The following MTUS2 variants were observed in gnomAD, a reference collection of about 807,000 sequenced individuals.
MTUS2 encodes the protein microtubule associated scaffold protein 2.
A neutral mutation model predicts 114.1 loss-of-function variants in MTUS2; 40 were observed. The ratio of observed to expected loss-of-function variants is 0.35; its 90% confidence interval spans 0.27 to 0.46. MTUS2 has a LOEUF of 0.46. Ranked by LOEUF, MTUS2 falls within the 20% of genes least tolerant of loss-of-function variation. MTUS2 has a pLI of 1.00. For missense variants in MTUS2, 1,679 were observed against 1,705.4 expected (o/e 0.98, Z 0.27); for synonymous variants, 688 against 672.0 (o/e 1.02, Z -0.37).
intron 5 of MTUS2, among the ~76,000 whole-genome samples, chr13:29,267,664 C>CT (rs1415914445): frequency 6.6e-6 from 1 of 152,176 alleles, no homozygotes; most frequent in East Asian, 1.9e-4. Flanking sequence ...CTGGGATTCT[C>CT]TATGACCATG....
chr13:29,474,586 G>GT (rs1244205928), intron 9 of MTUS2, among the ~76,000 whole-genome samples: 1 of 152,138 alleles, frequency 6.6e-6, no homozygotes. Context: ...CAATTACACT[G>GT]TTTTGCTTGT....
intron 2 of MTUS2, among the ~76,000 whole-genome samples, chr13:28,863,008 G>A (rs911422002): frequency 6.6e-6 from 1 of 152,074 alleles, no homozygotes; most frequent in African/African-American, 2.4e-5. Context: ...TTAGTCTGCT[G>A]AGGGAGATCA....
At chr13:29,040,545 C>G (rs1887302798) in intron 4 of MTUS2, among the ~76,000 whole-genome samples, 1 of 152,146 alleles carries the variant, frequency 6.6e-6, no homozygotes, top group Non-Finnish European at 1.5e-5. Flanking sequence ...ACACTGCTTT[C>G]TATAGTGATT....
At chr13:28,884,793 A>T (rs1878495904) in intron 2 of MTUS2, among the ~76,000 whole-genome samples, 1 of 152,194 alleles carries the variant, frequency 6.6e-6, no homozygotes, top group Non-Finnish European at 1.5e-5. Context: ...ACTTCCTGTG[A>T]ATGAATGTAT....
intron 7 of MTUS2, among the ~76,000 whole-genome samples, chr13:29,344,601 C>T (rs1868483493): frequency 6.6e-6 from 1 of 152,014 alleles, no homozygotes; most frequent in African/African-American, 2.4e-5. Flanking sequence ...AATTCTTATC[C>T]ATTCTGCCAT....
intron 8 of MTUS2, among the ~76,000 whole-genome samples, chr13:29,415,620 A>T (rs919082930): frequency 3.9e-5 from 6 of 152,084 alleles, no homozygotes; most frequent in African/African-American, 1.4e-4. Context: ...TGGATGTTGT[A>T]TATAGTTGAG....
At chr13:28,897,316 C>T (rs542818359) in intron 2 of MTUS2, among the ~76,000 whole-genome samples, 1 of 152,276 alleles carries the variant, frequency 6.6e-6, no homozygotes, top group East Asian at 1.9e-4. Context: ...CATCACTGGC[C>T]ATCAGAGAAA....
At chr13:28,859,386 A>T (rs1876832933) in intron 2 of MTUS2, among the ~76,000 whole-genome samples, 1 of 152,188 alleles carries the variant, frequency 6.6e-6, no homozygotes, top group African/African-American at 2.4e-5. Flanking sequence ...GGACTAACTC[A>T]TGGACCTCAT....
intron 5 of MTUS2, among the ~76,000 whole-genome samples, chr13:29,129,631 G>A (rs916822349): frequency 1.3e-5 from 2 of 152,080 alleles, no homozygotes; most frequent in Admixed American, 6.5e-5. Flanking sequence ...TGCATAGAAT[G>A]TGTAATGATA....
chr13:29,091,972 G>C (rs764865043), intron 4 of MTUS2, among the ~76,000 whole-genome samples: 2 of 152,212 alleles, frequency 1.3e-5, no homozygotes, highest in Non-Finnish European at 2.9e-5. Context: ...GGTGGTCATT[G>C]TCTCAGCATC....
chr13:29,269,139 A>T (rs1474485773), intron 5 of MTUS2, among the ~76,000 whole-genome samples: 1 of 152,242 alleles, frequency 6.6e-6, no homozygotes, highest in Non-Finnish European at 1.5e-5. Flanking sequence ...TCAGGTCAGA[A>T]TTAAATTTGA....
rs563816814 is a variant in MTUS2, at chr13:28,941,382, A to G, written c.-242-83075A>G. On this transcript the variant is annotated intron_variant, in intron 2 of 15. Coordinates refer to ENST00000612955, the MANE Select transcript of MTUS2 (RefSeq NM_001033602.4). Reference sequence around the variant, plus strand: ...ACAGGAATTTAAGTTAGGAATTTAAAAACATTTATGAATATAATACGTAAA... The same window carrying G: ...ACAGGAATTTAAGTTAGGAATTTAAGAACATTTATGAATATAATACGTAAA... 2.0e-5 allele frequency among the ~76,000 whole-genome samples: 3 copies of G among 152,258 alleles called. No individual in the cohort carries two copies. The South Asian group carries it at 6.2e-4, about 32-fold the overall frequency.
intron 5 of MTUS2, among the ~76,000 whole-genome samples, chr13:29,145,615 G>A (rs1401896653): frequency 6.6e-6 from 1 of 152,114 alleles, no homozygotes; most frequent in Non-Finnish European, 1.5e-5. Flanking sequence ...TCAAACTGTT[G>A]AAGACATGTG....
chr13:29,008,236 G>A (rs74045518), intron 2 of MTUS2, among the ~76,000 whole-genome samples: 6,561 of 152,230 alleles, frequency 0.043, 165 homozygotes, highest in East Asian at 0.11. Context: ...AGCCTGCAGG[G>A]CTTTCCTCTG....
chr13:29,414,712 C>T (rs955416171), intron 8 of MTUS2, among the ~76,000 whole-genome samples: 6 of 151,480 alleles, frequency 4.0e-5, no homozygotes, highest in African/African-American at 1.5e-4. Context: ...TGTTCTTTTT[C>T]CCTGTTCAGG....
chr13:29,090,782 G>A (rs1038051432), intron 4 of MTUS2, among the ~76,000 whole-genome samples: 1 of 152,224 alleles, frequency 6.6e-6, no homozygotes, highest in Non-Finnish European at 1.5e-5. Context: ...CCACTTAGAG[G>A]ATTCTAACAA....
intron 2 of MTUS2, among the ~76,000 whole-genome samples, chr13:28,966,739 A>AAC (rs1763782294): frequency 6.6e-6 from 1 of 151,590 alleles, no homozygotes; most frequent in African/African-American, 2.4e-5. Flanking sequence ...AAAAAAAAAA[A>AAC]AAAAAAAAAC....
chr13:29,222,630 G>C (rs1359065584), intron 5 of MTUS2, among the ~76,000 whole-genome samples: 1 of 152,206 alleles, frequency 6.6e-6, no homozygotes, highest in Non-Finnish European at 1.5e-5. Flanking sequence ...GCCAGCAGGA[G>C]CCAGGAACGG....
At chr13:29,188,399 G>A (rs775076338) in intron 5 of MTUS2, among the ~76,000 whole-genome samples, 5 of 152,108 alleles carry the variant, frequency 3.3e-5, no homozygotes, top group Non-Finnish European at 7.4e-5. Flanking sequence ...AGCCCGAAAT[G>A]GCCTCTGCAT....
Sources: gnomAD v4.1 joint callset for allele counts (sites outside exome capture counted in the v4.1 genomes callset) on GRCh38, gnomAD v4.1.1 for gene constraint, MANE v1.5 for transcripts, NCBI Gene and HGNC (gene_info 2026-07-23, HGNC 2026-07-21) for gene names.